RAPGEF4: variants seen among roughly 807,000 people sequenced by gnomAD.
RAPGEF4 encodes RAP guanine-nucleotide-exchange factor (GEF) 4.
In RAPGEF4, 66 loss-of-function variants were observed where a neutral mutation model predicts 147.9. The ratio of observed to expected loss-of-function variants is 0.45; its 90% CI spans 0.37 to 0.55. RAPGEF4 has a LOEUF of 0.55. Among genes scored for constraint, RAPGEF4 ranks in the 20% least tolerant of loss-of-function variants. The pLI, the probability that RAPGEF4 is intolerant of heterozygous loss-of-function variation, is 0.00. For synonymous variants in RAPGEF4, 419 were observed against 442.7 expected, an observed-to-expected ratio of 0.95 and a Z score of 0.67; for missense variants, 1,071 against 1,257.3, an observed-to-expected ratio of 0.85 and a Z score of 2.24.
chr2:172,966,488 G>T (rs567641039), intron 9 of RAPGEF4, among the ~76,000 whole-genome samples: 32 of 152,026 alleles, frequency 2.1e-4, no homozygotes, highest in Non-Finnish European at 4.1e-4. Flanking sequence ...GCTCCTCCAG[G>T]AATCGCCCTT....
chr2:172,801,018 G>T (rs1011304608), intron 3 of RAPGEF4, among the ~76,000 whole-genome samples: 50 of 152,282 alleles, frequency 3.3e-4, no homozygotes, highest in African/African-American at 1.2e-3. Flanking sequence ...ATTGCTAAGT[G>T]CCTTCCTTGT....
At chr2:172,968,895 C>T (rs1240151057) in intron 10 of RAPGEF4, among the ~76,000 whole-genome samples, 2 of 152,166 alleles carry the variant, frequency 1.3e-5, no homozygotes, top group East Asian at 3.9e-4. Flanking sequence ...TCCCACTGTC[C>T]CTCCTGCATA....
chr2:172,864,277 A>G (rs1216874967), intron 4 of RAPGEF4, among the ~76,000 whole-genome samples: 1 of 152,216 alleles, frequency 6.6e-6, no homozygotes, highest in Non-Finnish European at 1.5e-5. Context: ...GGTTTAAAGT[A>G]TGAGTGAGAA....
chr2:172,740,156 T>A (rs1694179661), intron 1 of RAPGEF4, among the ~76,000 whole-genome samples: 2 of 152,210 alleles, frequency 1.3e-5, no homozygotes, highest in East Asian at 3.8e-4. Flanking sequence ...TATGTGGACC[T>A]TTACAGAAAA....
At chr2:172,884,124 C>T (rs1251849539) in intron 4 of RAPGEF4, among the ~76,000 whole-genome samples, 4 of 152,162 alleles carry the variant, frequency 2.6e-5, no homozygotes, top group African/African-American at 4.8e-5. Context: ...TACTATACCC[C>T]TGCACCTCCA....
At chr2:173,007,743 A>G (rs2105845639) in intron 17 of RAPGEF4, among the ~76,000 whole-genome samples, 1 of 152,320 alleles carries the variant, frequency 6.6e-6, no homozygotes, top group East Asian at 1.9e-4. Flanking sequence ...CAGAACTTGC[A>G]TTTTATGAAC....
At chr2:173,025,697 C>T (rs1179503570) in intron 23 of RAPGEF4, among the ~76,000 whole-genome samples, 1 of 152,268 alleles carries the variant, frequency 6.6e-6, no homozygotes, top group African/African-American at 2.4e-5. Context: ...CCCGCCTTGG[C>T]CTCCCAGAGT....
chr2:173,017,570 C>T, intron 21 of RAPGEF4, 66 bp downstream of exon 21: 2 of 1,444,898 alleles, frequency 1.4e-6, no homozygotes, highest in Admixed American at 1.8e-5. Context: ...TGGTAAGCAT[C>T]ACCTTGGACC....
At chr2:172,735,335 T>G (rs1427666897), upstream of RAPGEF4, 1 of 150,084 alleles carries the variant, frequency 6.7e-6, no homozygotes, top group East Asian at 2.0e-4. Flanking sequence ...ACTGAGAGAC[T>G]CGACGGGCGT....
At chr2:172,903,963 A>T (rs1470681822) in intron 4 of RAPGEF4, among the ~76,000 whole-genome samples, 1 of 152,162 alleles carries the variant, frequency 6.6e-6, no homozygotes, top group Non-Finnish European at 1.5e-5. Context: ...CCCTTGGAGC[A>T]GTGCACTGCA....
intron 4 of RAPGEF4, chr2:172,821,525 G>T: frequency 1.1e-6 from 1 of 927,298 alleles, no homozygotes; most frequent in Non-Finnish European, 1.3e-6. Flanking sequence ...TTCATGCCAG[G>T]AACTCCAGCC....
In RAPGEF4 at chr2:172,922,249, T is replaced by G. The variant is rs747405639; in HGVS notation, c.518-32T>G. 1.6e-5 allele frequency: 26 copies of G among 1,601,062 alleles called. No individual in the cohort carries two copies. The African/African-American group carries it at 3.3e-4, about 21-fold the overall frequency. On this transcript the variant is annotated intron_variant, in intron 5 of 30. Transcript: ENST00000397081. ...CTTTACCGGTTGATTATACAATTCA[T>G]GGCCTCTCTCTGTCTCTTTTTCCTC...
At chr2:172,773,994 G>A (rs1025972078) in intron 1 of RAPGEF4, among the ~76,000 whole-genome samples, 1 of 152,178 alleles carries the variant, frequency 6.6e-6, no homozygotes, top group Non-Finnish European at 1.5e-5. Context: ...ACTTTCGAGA[G>A]TGAATGGGGG....
intron 4 of RAPGEF4, among the ~76,000 whole-genome samples, chr2:172,831,287 A>ATTT (rs1690308053): frequency 7.9e-5 from 2 of 25,180 alleles, no homozygotes; most frequent in Admixed American, 3.8e-4. Context: ...TTTTTTTTTG[A>ATTT]GACAGAGTTT....
chr2:173,007,982 C>T (rs560738651), intron 17 of RAPGEF4, among the ~76,000 whole-genome samples: 1 of 152,324 alleles, frequency 6.6e-6, no homozygotes, highest in South Asian at 2.1e-4. Context: ...TATGTCCCCA[C>T]CCAAATCTCA....
At chr2:172,879,030 T>C (rs994590834) in intron 4 of RAPGEF4, among the ~76,000 whole-genome samples, 1 of 152,162 alleles carries the variant, frequency 6.6e-6, no homozygotes, top group Non-Finnish European at 1.5e-5. Context: ...GCACACACCA[T>C]TTGGCCAAAT....
chr2:172,840,511 T>G (rs1691462630), intron 4 of RAPGEF4, among the ~76,000 whole-genome samples: 1 of 152,246 alleles, frequency 6.6e-6, no homozygotes, highest in Non-Finnish European at 1.5e-5. Flanking sequence ...ATACTTTTAC[T>G]GTCTACTTTA....
intron 4 of RAPGEF4, among the ~76,000 whole-genome samples, chr2:172,909,602 G>A (rs1699915865): frequency 6.6e-6 from 1 of 152,124 alleles, no homozygotes; most frequent in African/African-American, 2.4e-5. Context: ...CCGGAGTGTG[G>A]AGGGCATGTG....
intron 4 of RAPGEF4, among the ~76,000 whole-genome samples, chr2:172,856,635 A>G (rs148853535): frequency 9.0e-4 from 137 of 152,354 alleles, no homozygotes; most frequent in African/African-American, 3.2e-3. Flanking sequence ...AGACAGCAGC[A>G]GACATCTCTG....
Sources: gnomAD v4.1 joint callset for allele counts (sites outside exome capture counted in the v4.1 genomes callset) on GRCh38, gnomAD v4.1.1 for gene constraint, MANE v1.5 for transcripts, NCBI Gene and HGNC (gene_info 2026-07-23, HGNC 2026-07-21) for gene names.